SCN1A: variants seen among roughly 807,000 people sequenced by gnomAD.
The protein encoded by SCN1A is sodium voltage-gated channel alpha subunit 1.
SCN1A carries 13 observed loss-of-function variants against 193.7 expected under a neutral mutation model. That is an observed-to-expected ratio of 0.07 (90% CI 0.04 to 0.11). The LOEUF is 0.11. Ranked by LOEUF, SCN1A falls within the 10% of genes least tolerant of loss-of-function variation. The pLI is 1.00. For missense variants in SCN1A, 1,432 were observed against 2,451.1 expected, an observed-to-expected ratio of 0.58 and a Z score of 8.78; for synonymous variants, 781 against 843.6, an observed-to-expected ratio of 0.93 and a Z score of 1.29.
chr2:166,050,650 T>TATATGTATGTATGTA (rs1372074921), intron 9 of SCN1A, among the ~76,000 whole-genome samples: 4 of 134,500 alleles, frequency 3.0e-5, no homozygotes, highest in Non-Finnish European at 6.4e-5. Context: ...TGTGTATATA[T>TATATGTATGTATGTA]TTTTTTTTTG....
At chr2:166,072,688 GATTTCCAAGT>G (rs1388066491) in intron 4 of SCN1A, among the ~76,000 whole-genome samples, 1 of 151,990 alleles carries the variant, frequency 6.6e-6, no homozygotes, top group African/African-American at 2.4e-5. Flanking sequence ...ATGATTTTGA[GATTTCCAAGT>G]ATTTCCAAGT....
chr2:166,099,210 C>T (rs181823491), intron 2 of SCN1A, among the ~76,000 whole-genome samples: 3,813 of 151,888 alleles, frequency 0.025, 167 homozygotes, highest in African/African-American at 0.087. Context: ...GTTCAATATA[C>T]GCAAATCAAT....
At chr2:166,103,484 A>AATAAATAC (rs1167942124) in intron 2 of SCN1A, among the ~76,000 whole-genome samples, 4 of 146,078 alleles carry the variant, frequency 2.7e-5, no homozygotes, top group African/African-American at 5.1e-5. Flanking sequence ...TAAATAAATA[A>AATAAATAC]ATAAATAAAT....
At chr2:166,092,112 G>C (rs747404420) in intron 2 of SCN1A, among the ~76,000 whole-genome samples, 4 of 151,970 alleles carry the variant, frequency 2.6e-5, no homozygotes, top group African/African-American at 9.7e-5. Context: ...AAGCGAAGGC[G>C]TCTTTGTGGA....
chr2:166,130,968 T>C (rs188102591), upstream of SCN1A, among the ~76,000 whole-genome samples: 1 of 152,334 alleles, frequency 6.6e-6, no homozygotes, highest in Non-Finnish European at 1.5e-5. Flanking sequence ...ATGTCACTAC[T>C]ACACTTATCC....
At position 166,047,117 on chromosome 2, in the gene SCN1A, A is replaced by G. The variant is rs567620881; in HGVS notation, c.1171-141T>C. ...TCATAGCACCCTGTACTTTTTTTTT[A>G]TTGTTTCTTTAACTTCAGCTTCTTC... On this transcript the variant is annotated intron_variant, in intron 11 of 28. Transcript: ENST00000674923. 5.5e-5 allele frequency: 50 copies of G among 914,574 alleles called. No homozygotes were observed. In the East Asian group the frequency reaches 1.2e-3, roughly 22 times the overall value. The allele number at this position is 914,574 out of a possible 1,614,324, so 56.7% of individuals were successfully genotyped here.
rs371246260 is a variant in SCN1A, at chr2:166,093,009, C to T, written c.-141-15208G>A. ...CACAGCTTGGTAGGTTTTATGAGGA[C>T]GCTGATCACGGGGCACTCATCTATA... is the stretch of plus-strand genomic sequence containing the variant. On this transcript the variant is annotated intron_variant, in intron 2 of 28. Transcript: ENST00000674923. Among the ~76,000 whole-genome samples the T allele has an allele frequency of 9.2e-5, 14 of 152,006 alleles. No homozygotes were observed. In the East Asian group the frequency reaches 9.7e-4, roughly 11 times the overall value.
At chr2:166,120,372 TG>T (rs1429545803) in intron 2 of SCN1A, among the ~76,000 whole-genome samples, 10 of 151,410 alleles carry the variant, frequency 6.6e-5, no homozygotes, top group East Asian at 3.9e-4. Flanking sequence ...AAAACATGTT[TG>T]TTTTTTTTCC....
chr2:166,105,324 G>A (rs1688566657), intron 2 of SCN1A, among the ~76,000 whole-genome samples: 2 of 152,194 alleles, frequency 1.3e-5, no homozygotes, highest in East Asian at 1.9e-4. Context: ...TTACCACCAG[G>A]CCTGAATGTA....
chr2:165,999,594 C>A, intron 25 of SCN1A, 129 bp downstream of exon 25: 1 of 727,292 alleles, frequency 1.4e-6, no homozygotes, highest in Non-Finnish European at 2.5e-6. Context: ...GAATATTTAC[C>A]TGTCACACTT....
chr2:166,033,079 A>C (rs112903018), intron 19 of SCN1A, among the ~76,000 whole-genome samples: 97 of 152,314 alleles, frequency 6.4e-4, no homozygotes, highest in African/African-American at 2.3e-3. Context: ...ATGCATGCAT[A>C]TAAGTAGCTA....
At chr2:165,997,619 A>G (rs1292180156) in intron 26 of SCN1A, among the ~76,000 whole-genome samples, 1 of 151,428 alleles carries the variant, frequency 6.6e-6, no homozygotes, top group Non-Finnish European at 1.5e-5. Context: ...AAACACTAGA[A>G]GAAGCTTACA....
intron 2 of SCN1A, among the ~76,000 whole-genome samples, chr2:166,085,260 T>C (rs968515249): frequency 6.6e-6 from 1 of 152,186 alleles, no homozygotes; most frequent in Admixed American, 6.5e-5. Context: ...ATTAGTGTTA[T>C]TAAGAAATCA....
intron 2 of SCN1A, among the ~76,000 whole-genome samples, chr2:166,111,439 GAAA>G (rs113807871): frequency 1.4e-5 from 2 of 142,496 alleles, no homozygotes; most frequent in Non-Finnish European, 3.1e-5. Context: ...CTACTGCTCA[GAAA>G]AAAAAAAAAG....
chr2:166,120,305 C>G (rs1690397446), intron 2 of SCN1A, among the ~76,000 whole-genome samples: 1 of 151,102 alleles, frequency 6.6e-6, no homozygotes, highest in Admixed American at 6.6e-5. Flanking sequence ...AAACAGAAAT[C>G]CTAATTCTAT....
At chr2:166,055,971 A>G (rs922860436) in intron 6 of SCN1A, among the ~76,000 whole-genome samples, 7 of 152,062 alleles carry the variant, frequency 4.6e-5, no homozygotes, top group Non-Finnish European at 1.0e-4. Flanking sequence ...TTGGCCTGAC[A>G]TGAAGTGAAT....
intron 23 of SCN1A, among the ~76,000 whole-genome samples, chr2:166,008,968 G>C (rs1361020655): frequency 6.6e-6 from 1 of 150,978 alleles, no homozygotes; most frequent in Non-Finnish European, 1.5e-5. Context: ...TGTTATGCAT[G>C]ATGGAAAATG....
At chr2:166,069,830 C>T (rs1036769523) in intron 4 of SCN1A, among the ~76,000 whole-genome samples, 1 of 152,166 alleles carries the variant, frequency 6.6e-6, no homozygotes, top group Non-Finnish European at 1.5e-5. Context: ...TCCACACCCC[C>T]AGTATCAGCA....
intron 2 of SCN1A, among the ~76,000 whole-genome samples, chr2:166,089,386 T>C (rs1477960138): frequency 6.6e-6 from 1 of 152,128 alleles, no homozygotes; most frequent in Non-Finnish European, 1.5e-5. Context: ...TTCCTGAAAT[T>C]CAATTAATTA....
Sources: gnomAD v4.1 joint callset for allele counts (sites outside exome capture counted in the v4.1 genomes callset) on GRCh38, gnomAD v4.1.1 for gene constraint, MANE v1.5 for transcripts, NCBI Gene and HGNC (gene_info 2026-07-23, HGNC 2026-07-21) for gene names.